Variants in AGO2 observed in about 807,000 individuals in gnomAD.
AGO2 encodes argonaute RISC catalytic component 2.
AGO2 carries 5 observed loss-of-function variants against 102.3 expected under a neutral mutation model. The ratio of observed to expected loss-of-function variants is 0.05; its 90% CI spans 0.03 to 0.10. The LOEUF (loss-of-function observed/expected upper bound fraction) is 0.10. Ranked by LOEUF, AGO2 falls within the 10% of genes least tolerant of loss-of-function variation. The probability of loss-of-function intolerance (pLI) is 1.00; values close to 1 mark genes in which losing one functional copy is unlikely to be tolerated. For missense variants in AGO2, 541 were observed against 1,183.7 expected, an observed-to-expected ratio of 0.46 and a Z score of 7.97; for synonymous variants, 449 against 473.1, an observed-to-expected ratio of 0.95 and a Z score of 0.66.
In AGO2 at chr8:140,532,499, G is replaced by A. The variant is rs372883732; in HGVS notation, c.2388C>T (p.Ser796=). The A allele has an allele frequency of 2.9e-5, 47 of 1,614,172 alleles. No homozygotes were observed. Among genetic ancestry groups the A allele is most frequent in the Non-Finnish European group, 3.6e-5 (42 of 1,180,062 alleles). The change falls in exon 18 of 19, where the codon TCC becomes TCT. Residue 796 remains serine, a synonymous_variant. Coordinates refer to ENST00000220592, the MANE Select transcript of AGO2 (RefSeq NM_012154.5). ...LCHTYVRCTR[S]VSIPAPAYYA... ...AGTATGCTGGCGCTGGGATGGACACGGAGCGTGTGCAGCGCACGTAGGTGT... is the reference window on the plus strand; with the variant it reads ...AGTATGCTGGCGCTGGGATGGACACAGAGCGTGTGCAGCGCACGTAGGTGT...
chr8:140,520,230 T>C lies in AGO2; in HGVS notation c.*11814A>G, dbSNP rs1021626923. 3 of 152,212 alleles carry C rather than the reference T, an allele frequency of 2.0e-5. No individual in the cohort carries two copies. The highest frequency in any genetic ancestry group is 4.8e-5 in the African/African-American group (2 of 41,440). The allele number at this position is 152,212 out of a possible 1,614,324, so 9.4% of individuals were successfully genotyped here. ...AAAACAAAATTGACACCATACAAAA[T>C]AACTTTATAAAATATCATTCACATC... On this transcript the variant is annotated 3_prime_UTR_variant, in exon 19 of 19. Transcript: ENST00000220592.
chr8:140,522,157 T>C lies in AGO2; in HGVS notation c.*9887A>G, dbSNP rs1180313289. 2.0e-5 allele frequency: 3 copies of C among 152,180 alleles called. No individual in the cohort carries two copies. The highest frequency in any genetic ancestry group is 4.8e-5 in the African/African-American group (2 of 41,434). The allele number at this position is 152,180 out of a possible 1,614,324, so 9.4% of individuals were successfully genotyped here. On this transcript the variant is annotated 3_prime_UTR_variant, in exon 19 of 19. Coordinates refer to ENST00000220592, the MANE Select transcript of AGO2 (RefSeq NM_012154.5). ...ACTGTTTCATACTGAATTTTTTCAA[T>C]GCATTGGGGTTCAACATAAAAGGCA... is the stretch of plus-strand genomic sequence containing the variant.
intron 1 of AGO2, among the ~76,000 whole-genome samples, chr8:140,616,535 CA>C (rs1338507617): frequency 1.3e-5 from 2 of 152,128 alleles, no homozygotes; most frequent in Non-Finnish European, 1.5e-5. Context: ...TAATAAAATA[CA>C]ATGCATTATG....
At chr8:140,597,939 G>A (rs1029534226) in intron 1 of AGO2, among the ~76,000 whole-genome samples, 2 of 152,208 alleles carry the variant, frequency 1.3e-5, no homozygotes, top group Admixed American at 1.3e-4. Context: ...TGCCCACCAG[G>A]GGCCTCACAG....
intron 2 of AGO2, among the ~76,000 whole-genome samples, chr8:140,575,655 A>C (rs1285605347): frequency 1.3e-5 from 2 of 152,232 alleles, no homozygotes; most frequent in Non-Finnish European, 2.9e-5. Context: ...GGTTGAAACC[A>C]GACAGGAAGA....
At chr8:140,542,585 A>C (rs2072819646) in intron 14 of AGO2, among the ~76,000 whole-genome samples, 1 of 152,088 alleles carries the variant, frequency 6.6e-6, no homozygotes, top group African/African-American at 2.4e-5. Flanking sequence ...AAAAAAAAAA[A>C]AAAACCAGCC....
chr8:140,600,098 T>G (rs545134340), intron 1 of AGO2, among the ~76,000 whole-genome samples: 64 of 152,374 alleles, frequency 4.2e-4, no homozygotes, highest in South Asian at 2.1e-4. Context: ...ATGAGACGCC[T>G]TGGCAGGCAC....
At chr8:140,584,840 T>C (rs2073626566) in intron 2 of AGO2, among the ~76,000 whole-genome samples, 1 of 152,140 alleles carries the variant, frequency 6.6e-6, no homozygotes, top group African/African-American at 2.4e-5. Flanking sequence ...GATCAGTATA[T>C]ACATTTGTCG....
upstream of AGO2, among the ~76,000 whole-genome samples, chr8:140,639,429 C>T (rs187252869): frequency 7.4e-5 from 11 of 148,124 alleles, no homozygotes; most frequent in Admixed American, 6.9e-4. Context: ...CGCAGTGAGC[C>T]GAGATTGTGC....
At position 140,541,218 on chromosome 8, in the gene AGO2, C is replaced by T. The variant is rs565979147; in HGVS notation, c.1980G>A (p.Lys660=). 79 of 1,603,074 alleles carry T rather than the reference C, an allele frequency of 4.9e-5. No homozygotes were observed. The East Asian group carries it at 1.5e-3, about 30-fold the overall frequency. The change falls in exon 15 of 19, where the codon AAG becomes AAA. Residue 660 remains lysine, a synonymous_variant. Transcript: ENST00000220592. Reference sequence around the variant, plus strand: ...CGCGGTAGAAGATGATGCGGGTGGGCTTGAAGCGCGTGGACTTGTAGAACT... The same window carrying T: ...CGCGGTAGAAGATGATGCGGGTGGGTTTGAAGCGCGTGGACTTGTAGAACT... ...LIQFYKSTRF[K]PTRIIFYRDG...
chr8:140,581,980 A>G (rs966836480), intron 2 of AGO2, among the ~76,000 whole-genome samples: 1 of 152,232 alleles, frequency 6.6e-6, no homozygotes, highest in Non-Finnish European at 1.5e-5. Context: ...CATTCCAGGA[A>G]AAGAAAAATT....
rs59299557 is a variant in AGO2 at position 140,601,526 on chromosome 8, T to A, written c.23-16215A>T. On this transcript the variant is annotated intron_variant, in intron 1 of 18. Transcript: ENST00000220592. ...GCCTGGCAAGTGCTAGGCTGATGGA[T>A]GTGAACCATATGGTGAATGGTCTCC... Among the ~76,000 whole-genome samples the A allele has an allele frequency of 5.5e-3, 844 of 152,346 alleles. 9 individuals carry two copies. The highest frequency in any genetic ancestry group is 0.019 in the African/African-American group (801 of 41,584).
chr8:140,607,388 T>C (rs1286995256), intron 1 of AGO2, among the ~76,000 whole-genome samples: 1 of 150,402 alleles, frequency 6.6e-6, no homozygotes, highest in South Asian at 2.1e-4. Flanking sequence ...ACTGTACCTG[T>C]GAATAGCTTC....
At chr8:140,534,052 CTCT>C (rs2072649916) in intron 17 of AGO2, among the ~76,000 whole-genome samples, 2 of 152,216 alleles carry the variant, frequency 1.3e-5, no homozygotes, top group African/African-American at 2.4e-5. Context: ...CTGCCACCTG[CTCT>C]GTGTCTAGCC....
At chr8:140,627,547 AT>A (rs1661100600) in intron 1 of AGO2, among the ~76,000 whole-genome samples, 1 of 152,128 alleles carries the variant, frequency 6.6e-6, no homozygotes, top group Non-Finnish European at 1.5e-5. Flanking sequence ...CCCCAGTAGG[AT>A]TTTCCCAAGA....
At chr8:140,588,599 AGAGGGAGG>A (rs1195938541) in intron 1 of AGO2, among the ~76,000 whole-genome samples, 72 of 88,336 alleles carry the variant, frequency 8.2e-4, no homozygotes, top group African/African-American at 2.8e-3. Flanking sequence ...AGGCAGGGAG[AGAGGGAGG>A]GAGGGAGGGA....
chr8:140,620,738 ATGCATCTG>A (rs1296352158), intron 1 of AGO2, among the ~76,000 whole-genome samples: 1 of 152,032 alleles, frequency 6.6e-6, no homozygotes, highest in Admixed American at 6.6e-5. Flanking sequence ...GCATGGTGGC[ATGCATCTG>A]TGGGAGGCTG....
chr8:140,602,974 G>A (rs541310204), intron 1 of AGO2, among the ~76,000 whole-genome samples: 1 of 152,316 alleles, frequency 6.6e-6, no homozygotes, highest in Admixed American at 6.5e-5. Flanking sequence ...ATGCCTGCAC[G>A]CATTTTGGAT....
At chr8:140,573,733 G>A (rs766946048) in intron 2 of AGO2, among the ~76,000 whole-genome samples, 1 of 152,250 alleles carries the variant, frequency 6.6e-6, no homozygotes, top group Non-Finnish European at 1.5e-5. Context: ...TGTGTTCCAT[G>A]GAGGTAGGGT....
Sources: allele counts gnomAD v4.1 joint callset (sites outside exome capture counted in the v4.1 genomes callset), GRCh38; gene constraint gnomAD v4.1.1; transcripts MANE v1.5; gene names NCBI Gene and HGNC (gene_info 2026-07-23, HGNC 2026-07-21).